C1orf167: variants seen among roughly 807,000 people sequenced by gnomAD.
C1orf167 encodes uncharacterized protein C1orf167.
A neutral mutation model predicts 176.5 loss-of-function variants in C1orf167; 153 were observed. That is an observed-to-expected ratio of 0.87 (90% CI 0.76 to 0.99). The LOEUF is 0.99. C1orf167 is among the 50% of genes least tolerant of loss of function. C1orf167 has a pLI of 0.00. For synonymous variants in C1orf167, 594 were observed against 752.7 expected (o/e 0.79, Z 3.45); for missense variants, 1,490 against 1,817.7 (o/e 0.82, Z 3.28).
Position 11,779,968 on chromosome 1 carries a change from C to A in C1orf167, c.2818C>A (p.Leu940Met). The change falls in exon 13 of 21, where the codon CTG (leucine) becomes ATG (methionine). Residue 940 changes from leucine to methionine, a missense_variant. By Grantham distance (15) the Leu-to-Met change is conservative (BLOSUM62 2). Transcript: ENST00000688073. ...GTGGGCCCAGGAGCGGGGCTGGCGG[C>A]TGGCACGAGATGCCCTATGCCACTG... ...EWWAQERGWRLARDALCHWHS... is the reference protein window; with the variant it reads ...EWWAQERGWRMARDALCHWHS... 7.7e-7 allele frequency: 1 copy of A among 1,297,156 alleles called. No homozygotes were observed. The highest frequency in any genetic ancestry group is 1.0e-6 in the Non-Finnish European group (1 of 984,990). 80.4% of individuals were successfully genotyped at this position (1,297,156 alleles called of 1,614,324 possible). A position where few individuals can be genotyped will look rare whatever the true frequency, so the allele number is the denominator to read the frequency against.
rs1340310734 is a variant in C1orf167, at chr1:11,766,882, GCA to G, written c.1099_1100del (p.Gln367GlufsTer3). 7.9e-7 allele frequency: 1 copy of G among 1,261,838 alleles called. No individual in the cohort carries two copies. The highest frequency in any genetic ancestry group is 1.5e-5 in the African/African-American group (1 of 65,224). 78.2% of individuals were successfully genotyped at this position (1,261,838 alleles called of 1,614,324 possible). ...SCSPWSQDGRAQRGDPSLPRG... is the reference protein window; with the variant it reads ...SCSPWSQDGRXQRGDPSLPRG... Reference sequence around the variant, plus strand: ...CTCCCCCTGGTCTCAAGATGGCAGGGCACAGAGGGGTGACCCCAGTCTCCCTC... The same window carrying G: ...CTCCCCCTGGTCTCAAGATGGCAGGGCAGAGGGGTGACCCCAGTCTCCCTC... On this transcript the variant is annotated frameshift_variant, in exon 3 of 21. Transcript: ENST00000688073. LOFTEE classifies it high-confidence loss of function. This position sits in a 1 kb window ranked among gnomAD's most constrained non-coding sequence, Gnocchi z 4.5.
chr1:11,782,069 C>A, intron 13 of C1orf167, 120 bp from the exon 14 acceptor site: 1 of 892,306 alleles, frequency 1.1e-6, no homozygotes, highest in Non-Finnish European at 1.4e-6. Flanking sequence ...TTAACCCAGA[C>A]AGTCAGGGTG....
At chr1:11,770,576 T>G (rs1427245958) in intron 6 of C1orf167, among the ~76,000 whole-genome samples, 1 of 151,182 alleles carries the variant, frequency 6.6e-6, no homozygotes, top group Non-Finnish European at 1.5e-5. Context: ...CCCAAGTAGC[T>G]GGGATTATAG....
chr1:11,769,772 C>T (rs568833048), intron 6 of C1orf167, among the ~76,000 whole-genome samples: 9 of 150,350 alleles, frequency 6.0e-5, no homozygotes, highest in Admixed American at 1.3e-4. Context: ...CCCAGGTTCA[C>T]GCCATTCTCC....
At chr1:11,771,067 A>T (rs868791026) in intron 6 of C1orf167, among the ~76,000 whole-genome samples, 6 of 64,298 alleles carry the variant, frequency 9.3e-5, no homozygotes, top group African/African-American at 4.0e-4. Flanking sequence ...ATATATATAT[A>T]TATTTTTTTT....
Position 11,787,934 on chromosome 1 carries a change from T to TA in C1orf167, c.3736dup (p.Ser1246LysfsTer22). ...TCTGGCCACAGTGGCCTGGACAGAG[T>TA]AGCTGGGTCCCAGGCCTGCCCCTGT... On this transcript the variant is annotated frameshift_variant, in exon 18 of 21. Coordinates refer to ENST00000688073, the MANE Select transcript of C1orf167 (RefSeq NM_001010881.2). LOFTEE classifies it high-confidence loss of function. 7.7e-7 allele frequency: 1 copy of TA among 1,303,076 alleles called. No individual in the cohort carries two copies. The highest frequency in any genetic ancestry group is 1.0e-6 in the Non-Finnish European group (1 of 988,402). 80.7% of individuals were successfully genotyped at this position (1,303,076 alleles called of 1,614,324 possible).
intron 1 of C1orf167, among the ~76,000 whole-genome samples, chr1:11,764,115 G>C (rs1430052592): frequency 1.3e-5 from 2 of 152,170 alleles, no homozygotes; most frequent in Non-Finnish European, 2.9e-5. Context: ...TGGGGGGCAG[G>C]ATGGGGCAGC....
chr1:11,766,965 C>G lies in C1orf167; in HGVS notation c.1179C>G (p.Ala393=), dbSNP rs1284398756. The stretch of plus-strand genomic sequence containing the variant: ...GTTCCTCAGCCTTCTCCAACACAGC[C>G]TGGGGAGTCTCACCCAAGCAGAAAG... The part of the protein sequence containing the change: ...DPCSSAFSNT[A]WGVSPKQKGE... Residue 393 remains alanine (A), a synonymous_variant, in exon 3 of 21, where the codon GCC becomes GCG. Coordinates refer to ENST00000688073, the MANE Select transcript of C1orf167 (RefSeq NM_001010881.2). The surrounding 1 kb of genome is among the most constrained non-coding windows in gnomAD (Gnocchi z 4.5). 1 of 1,208,224 alleles carries G rather than the reference C, an allele frequency of 8.3e-7. No individual in the cohort carries two copies. The highest frequency in any genetic ancestry group is 1.6e-5 in the African/African-American group (1 of 63,250). The allele number at this position is 1,208,224 out of a possible 1,614,324, so 74.8% of individuals were successfully genotyped here. A position where few individuals can be genotyped will look rare whatever the true frequency, so the allele number is the denominator to read the frequency against.
chr1:11,788,134 GCCCTC>G lies in C1orf167; in HGVS notation c.3849-14_3849-10del, dbSNP rs1643947950. 3.9e-6 allele frequency: 5 copies of G among 1,279,578 alleles called. No homozygotes were observed. The highest frequency in any genetic ancestry group is 5.2e-6 in the Non-Finnish European group (5 of 970,472). The allele number at this position is 1,279,578 out of a possible 1,614,324, so 79.3% of individuals were successfully genotyped here. A position where few individuals can be genotyped will look rare whatever the true frequency, so the allele number is the denominator to read the frequency against. On this transcript the variant is annotated splice_polypyrimidine_tract_variant and intron_variant, in intron 18 of 20. Coordinates refer to ENST00000688073, the MANE Select transcript of C1orf167 (RefSeq NM_001010881.2). ...TTGCCTGAGCCATGGCTACAGCTGGGCCCTCTCTGGCCAGTGCTCGTTCCTGCAGG... is the reference window on the plus strand; with the variant it reads ...TTGCCTGAGCCATGGCTACAGCTGGGTCTGGCCAGTGCTCGTTCCTGCAGG...
intron 1 of C1orf167, among the ~76,000 whole-genome samples, 163 bp downstream of exon 1, chr1:11,762,468 G>A (rs1478437844): frequency 6.6e-6 from 1 of 152,186 alleles, no homozygotes. Context: ...GAAGAGCTCC[G>A]GCGTGAGGGG....
rs1643960684 is a variant in C1orf167, at chr1:11,788,350, A to G, written c.4050A>G (p.Pro1350=). ...GCATGGCAGCACTGGGTGGATGCCC[A>G]AGGGGCAGAGCAGCTGGTGCGGACC... is the stretch of plus-strand genomic sequence containing the variant. ...GSGMAALGGC[P]RGRAAGADPA... The change falls in exon 19 of 21, where the codon CCA becomes CCG. Residue 1350 remains proline (P), a synonymous_variant. Coordinates refer to ENST00000688073, the MANE Select transcript of C1orf167 (RefSeq NM_001010881.2). 1.5e-6 allele frequency: 2 copies of G among 1,299,760 alleles called. No homozygotes were observed. The highest frequency in any genetic ancestry group is 1.5e-5 in the African/African-American group (1 of 65,656). 80.5% of individuals were successfully genotyped at this position (1,299,760 alleles called of 1,614,324 possible).
rs185338081 is a variant in C1orf167, at chr1:11,779,134, C to T, written c.2651+54C>T. ...CTCTATGGACTTACTGTTTCCCGGC[C>T]CCTTCTCCCTTCCACCCTTGGCCTT... On this transcript the variant is annotated intron_variant, in intron 12 of 20. Transcript: ENST00000688073. 1.2e-3 allele frequency: 1,408 copies of T among 1,204,690 alleles called. 10 individuals carry two copies. In the African/African-American group the frequency reaches 0.021, roughly 18 times the overall value. 74.6% of individuals were successfully genotyped at this position (1,204,690 alleles called of 1,614,324 possible). A position where few individuals can be genotyped will look rare whatever the true frequency, so the allele number is the denominator to read the frequency against.
chr1:11,763,643 G>A (rs557105772), intron 1 of C1orf167, among the ~76,000 whole-genome samples: 12 of 152,308 alleles, frequency 7.9e-5, no homozygotes, highest in African/African-American at 2.9e-4. Flanking sequence ...CATTGAGGGG[G>A]CTGGAGAGCT....
At position 11,768,024 on chromosome 1, in the gene C1orf167, C is replaced by T. The variant is rs1306558130; in HGVS notation, c.1344-53C>T. 1.1e-5 allele frequency: 13 copies of T among 1,214,334 alleles called. No individual in the cohort carries two copies. The highest frequency in any genetic ancestry group is 1.3e-5 in the Non-Finnish European group (12 of 945,030). The allele number at this position is 1,214,334 out of a possible 1,614,324, so 75.2% of individuals were successfully genotyped here. A position where few individuals can be genotyped will look rare whatever the true frequency, so the allele number is the denominator to read the frequency against. On this transcript the variant is annotated intron_variant, in intron 4 of 20. Coordinates refer to ENST00000688073, the MANE Select transcript of C1orf167 (RefSeq NM_001010881.2). This position sits in a 1 kb window ranked among gnomAD's most constrained non-coding sequence, Gnocchi z 4.5. ...AGAGGGTATCCAGCCACTGGGCTGTCCCTGGGGATAGGAGGGCAGTCCACA... is the reference window on the plus strand; with the variant it reads ...AGAGGGTATCCAGCCACTGGGCTGTTCCTGGGGATAGGAGGGCAGTCCACA...
intron 1 of C1orf167, among the ~76,000 whole-genome samples, chr1:11,762,698 C>T (rs114103346): frequency 1.3e-5 from 2 of 152,328 alleles, no homozygotes; most frequent in Non-Finnish European, 2.9e-5. Flanking sequence ...AATGGCAGGA[C>T]GCCTGCTGAA....
intron 10 of C1orf167, chr1:11,777,517 G>A (rs1019374557): frequency 3.3e-5 from 5 of 152,144 alleles, no homozygotes; most frequent in Non-Finnish European, 5.9e-5. Context: ...CAGGCGTGGT[G>A]GTGCTCGCCT....
At chr1:11,785,319 G>T in intron 16 of C1orf167, 30 bp downstream of exon 16, 1 of 1,254,884 alleles carries the variant, frequency 8.0e-7, no homozygotes, top group East Asian at 5.8e-5. Flanking sequence ...CTGACCTCAC[G>T]CTCTGGCCCC....
chr1:11,782,632 A>G (rs1326872065), intron 14 of C1orf167, among the ~76,000 whole-genome samples: 1 of 152,088 alleles, frequency 6.6e-6, no homozygotes, highest in Non-Finnish European at 1.5e-5. Context: ...TTAAGATGGG[A>G]GAAATCAGCT....
chr1:11,780,317 T>G lies in C1orf167; in HGVS notation c.2860+307T>G, dbSNP rs182383033. Among the ~76,000 whole-genome samples the G allele has an allele frequency of 1.4e-4, 22 of 152,334 alleles. No homozygotes were observed. The East Asian group carries it at 4.2e-3, about 29-fold the overall frequency. ...TCAAAGAAAACAGGCTGACCAACTC[T>G]TACACATTGTGCTATGAATGAGCAA... On this transcript the variant is annotated intron_variant, in intron 13 of 20. Transcript: ENST00000688073.
Sources: allele counts gnomAD v4.1 joint callset (sites outside exome capture counted in the v4.1 genomes callset), GRCh38; gene constraint gnomAD v4.1.1; non-coding constraint Gnocchi (gnomAD v3.1); transcripts MANE v1.5; gene names NCBI Gene and HGNC (gene_info 2026-07-23, HGNC 2026-07-21).